Variants in PATJ observed in about 807,000 individuals in gnomAD.
PATJ encodes the protein inaD-like protein.
PATJ carries 190 observed loss-of-function variants against 224.9 expected under a neutral mutation model. That is an observed-to-expected ratio of 0.84 (90% CI 0.75 to 0.95). PATJ has a LOEUF of 0.95. Ranked by LOEUF, PATJ falls within the 40% of genes least tolerant of loss-of-function variation. The pLI, the probability that PATJ is intolerant of heterozygous loss-of-function variation, is 0.00. For synonymous variants in PATJ, 769 were observed against 820.3 expected, an observed-to-expected ratio of 0.94 and a Z score of 1.07; for missense variants, 2,121 against 2,270.3, an observed-to-expected ratio of 0.93 and a Z score of 1.34.
At chr1:61,847,057 C>T (rs1231807124) in intron 17 of PATJ, among the ~76,000 whole-genome samples, 4 of 152,136 alleles carry the variant, frequency 2.6e-5, no homozygotes, top group Non-Finnish European at 5.9e-5. Context: ...TGACTGGTAA[C>T]CATGTAAACA....
intron 9 of PATJ, 143 bp downstream of exon 9, chr1:61,791,590 A>G: frequency 2.0e-6 from 1 of 507,390 alleles, no homozygotes; most frequent in Non-Finnish European, 3.5e-6. Context: ...GTCACTTCTC[A>G]GTGATTACAG....
At chr1:61,856,309 C>T in intron 18 of PATJ, 70 bp downstream of exon 18, 1 of 1,262,336 alleles carries the variant, frequency 7.9e-7, no homozygotes, top group South Asian at 1.3e-5. Context: ...ATTTTGGAGA[C>T]ACATATACCT....
At chr1:61,775,408 A>G (rs1646859002) in intron 7 of PATJ, 74 bp downstream of exon 7, 4 of 1,305,660 alleles carry the variant, frequency 3.1e-6, no homozygotes. Flanking sequence ...TAATTTTATA[A>G]CATGAGTTAC....
At chr1:61,776,030 A>T (rs183472232) in intron 7 of PATJ, among the ~76,000 whole-genome samples, 3 of 152,236 alleles carry the variant, frequency 2.0e-5, no homozygotes, top group Non-Finnish European at 4.4e-5. Context: ...GCCCAGTTAC[A>T]TATAAATTTA....
intron 3 of PATJ, among the ~76,000 whole-genome samples, chr1:61,763,690 C>CT (rs1646098567): frequency 3.3e-5 from 5 of 151,370 alleles, no homozygotes; most frequent in South Asian, 2.1e-4. Context: ...GACAAGGTTT[C>CT]TCTCTGTCAC....
At chr1:61,940,471 C>T (rs984111958) in intron 27 of PATJ, among the ~76,000 whole-genome samples, 5 of 152,202 alleles carry the variant, frequency 3.3e-5, no homozygotes, top group African/African-American at 9.6e-5. Flanking sequence ...AATCCCAGCA[C>T]TTTGGGAGGC....
intron 27 of PATJ, among the ~76,000 whole-genome samples, chr1:61,946,316 C>G (rs1342350631): frequency 6.6e-6 from 1 of 152,044 alleles, no homozygotes; most frequent in African/African-American, 2.4e-5. Flanking sequence ...TGATAGACCA[C>G]TAGCAAGACT....
At chr1:61,798,970 T>C (rs1651908007) in intron 11 of PATJ, among the ~76,000 whole-genome samples, 1 of 152,180 alleles carries the variant, frequency 6.6e-6, no homozygotes, top group South Asian at 2.1e-4. Context: ...ATTTTTTTCC[T>C]CTGAAAATAT....
At chr1:61,877,157 G>A (rs1308199990) in intron 21 of PATJ, among the ~76,000 whole-genome samples, 1 of 151,956 alleles carries the variant, frequency 6.6e-6, no homozygotes, top group Non-Finnish European at 1.5e-5. Flanking sequence ...GGTGAGGACT[G>A]TATCTGATTA....
intron 4 of PATJ, among the ~76,000 whole-genome samples, chr1:61,767,156 CT>C (rs1310560985): frequency 6.6e-6 from 1 of 152,000 alleles, no homozygotes; most frequent in East Asian, 1.9e-4. Flanking sequence ...GTTGTAGCCC[CT>C]AATACCTATT....
At chr1:61,827,757 A>G (rs567056530) in intron 16 of PATJ, among the ~76,000 whole-genome samples, 174 bp downstream of exon 16, 1 of 152,124 alleles carries the variant, frequency 6.6e-6, no homozygotes, top group South Asian at 2.1e-4. Context: ...AACATCAAAA[A>G]ATTCTTTCCT....
At chr1:62,100,626 G>A (rs78804807) in intron 33 of PATJ, among the ~76,000 whole-genome samples, 2,972 of 152,318 alleles carry the variant, frequency 0.02, 101 homozygotes, top group African/African-American at 0.068. Context: ...GTTGGAGTAA[G>A]ATTATGACAC....
At chr1:61,914,402 G>A (rs1421243357) in intron 25 of PATJ, among the ~76,000 whole-genome samples, 185 bp from the exon 26 acceptor site, 3 of 152,130 alleles carry the variant, frequency 2.0e-5, no homozygotes, top group African/African-American at 7.2e-5. Flanking sequence ...GTTACAGTGA[G>A]CAGAGATTGT....
At chr1:61,890,006 A>G (rs572388478) in intron 22 of PATJ, among the ~76,000 whole-genome samples, 1 of 152,164 alleles carries the variant, frequency 6.6e-6, no homozygotes, top group Middle Eastern at 3.4e-3. Context: ...TTAAAGACCT[A>G]TGGGTGCCCC....
rs551838760 is a variant in PATJ at position 61,840,602 on chromosome 1, A to G, written c.2112+6817A>G. Among the ~76,000 whole-genome samples, 28 of 152,110 alleles carry G rather than the reference A, an allele frequency of 1.8e-4. No homozygotes were observed. The South Asian group carries it at 5.8e-3, about 32-fold the overall frequency. ...TGCTCTTTCATTTTGGTACTTATAG[A>G]GCTACCTCTTTTTAATGACTACATA... On this transcript the variant is annotated intron_variant, in intron 17 of 43. Transcript: ENST00000642238.
In PATJ at chr1:62,052,579, T is replaced by C. The variant is rs1653828383; in HGVS notation, c.4125+1521T>C. ...CAACATGGAGAAACCCCGTCTCTAC[T>C]GAAAATACAAAAATTAGCTGGGCGT... On this transcript the variant is annotated intron_variant, in intron 31 of 43. Transcript: ENST00000642238. Among the ~76,000 whole-genome samples the C allele has an allele frequency of 2.0e-5, 3 of 151,872 alleles. 1 individual carries two copies. The highest frequency in any genetic ancestry group is 7.3e-5 in the African/African-American group (3 of 41,322).
At chr1:61,849,276 A>G (rs1467211405) in intron 17 of PATJ, among the ~76,000 whole-genome samples, 1 of 152,224 alleles carries the variant, frequency 6.6e-6, no homozygotes, top group African/African-American at 2.4e-5. Flanking sequence ...AACACAGCCT[A>G]GAACTTTAAT....
At chr1:61,891,102 T>C (rs1669546263) in intron 22 of PATJ, among the ~76,000 whole-genome samples, 1 of 151,982 alleles carries the variant, frequency 6.6e-6, no homozygotes, top group African/African-American at 2.4e-5. Flanking sequence ...CAGAGGCTGA[T>C]GTCTGGGAGG....
chr1:61,965,996 T>A (rs1682076924), intron 27 of PATJ, among the ~76,000 whole-genome samples: 1 of 152,150 alleles, frequency 6.6e-6, no homozygotes, highest in Non-Finnish European at 1.5e-5. Flanking sequence ...CCGCCTCCCA[T>A]GTTCAAGGGA....
Sources: gnomAD v4.1 joint callset for allele counts (sites outside exome capture counted in the v4.1 genomes callset) on GRCh38, gnomAD v4.1.1 for gene constraint, MANE v1.5 for transcripts, NCBI Gene and HGNC (gene_info 2026-07-23, HGNC 2026-07-21) for gene names.